Variants in ZDHHC15 observed in about 807,000 individuals in gnomAD.
ZDHHC15 encodes zDHHC palmitoyltransferase 15, also known as palmitoyltransferase ZDHHC15.
Under a neutral mutation model 31.7 loss-of-function variants are expected in ZDHHC15, and 19 were observed. The observed-to-expected ratio is 0.60, with a 90% CI of 0.42 to 0.88. The LOEUF is 0.88. ZDHHC15 is among the 40% of genes least tolerant of loss of function. ZDHHC15 has a pLI of 0.00. For missense variants in ZDHHC15, 209 were observed against 251.2 expected (o/e 0.83, Z 1.14); for synonymous variants, 103 against 90.0 (o/e 1.14, Z -0.82).
chrX:75,457,969 A>G (rs765129226), intron 3 of ZDHHC15, among the ~76,000 whole-genome samples: 15 of 111,306 alleles, frequency 1.3e-4, no homozygotes, highest in African/African-American at 4.9e-4. Context: ...GGAGGTCCTG[A>G]AATCAATCCC....
intron 10 of ZDHHC15, among the ~76,000 whole-genome samples, chrX:75,379,597 TA>T (rs2083094186): frequency 8.9e-6 from 1 of 111,849 alleles, no homozygotes. Context: ...GGTGTGTTTC[TA>T]AAAAAGGAAT....
chrX:75,510,454 G>T (rs1038837998), intron 1 of ZDHHC15, among the ~76,000 whole-genome samples: 42 of 90,299 alleles, frequency 4.7e-4, no homozygotes, highest in Admixed American at 6.3e-4. Context: ...TAGAAACTTG[G>T]TTTCTAGAAA....
At chrX:75,376,165 G>A (rs2083057227) in intron 11 of ZDHHC15, among the ~76,000 whole-genome samples, 1 of 110,152 alleles carries the variant, frequency 9.1e-6, no homozygotes, top group African/African-American at 3.3e-5. Context: ...TAGTGATGAT[G>A]AGCATTTTTT....
At chrX:75,412,176 G>A (rs1306482458) in intron 10 of ZDHHC15, among the ~76,000 whole-genome samples, 4 of 111,742 alleles carry the variant, frequency 3.6e-5, no homozygotes, top group Non-Finnish European at 5.6e-5. Flanking sequence ...TTGTTGAGGG[G>A]ATTTGAATTG....
intron 10 of ZDHHC15, among the ~76,000 whole-genome samples, chrX:75,382,742 G>T (rs2083128698): frequency 8.9e-6 from 1 of 112,305 alleles, no homozygotes. Flanking sequence ...GAGCCATTTG[G>T]TGAAAGATAT....
chrX:75,513,138 C>T (rs1244396909), intron 1 of ZDHHC15, among the ~76,000 whole-genome samples: 3 of 110,320 alleles, frequency 2.7e-5, no homozygotes, highest in Non-Finnish European at 5.7e-5. Context: ...AAAATCAATT[C>T]AAGATGGATT....
At chrX:75,482,530 T>C (rs2084707293) in intron 2 of ZDHHC15, among the ~76,000 whole-genome samples, 1 of 111,756 alleles carries the variant, frequency 8.9e-6, no homozygotes, top group Non-Finnish European at 1.9e-5. Context: ...ATTAGGCATC[T>C]ACTACTCATC....
At chrX:75,449,281 A>T (rs1449676491) in intron 4 of ZDHHC15, among the ~76,000 whole-genome samples, 1 of 106,515 alleles carries the variant, frequency 9.4e-6, no homozygotes, top group African/African-American at 3.4e-5. Context: ...TTATCTGGAG[A>T]ACGCTGACTA....
intron 3 of ZDHHC15, among the ~76,000 whole-genome samples, chrX:75,467,783 A>G (rs1293050213): frequency 8.9e-6 from 1 of 111,759 alleles, no homozygotes; most frequent in Non-Finnish European, 1.9e-5. Flanking sequence ...TAAAGTGTCC[A>G]TTTTATAGTG....
intron 1 of ZDHHC15, among the ~76,000 whole-genome samples, chrX:75,508,689 T>C (rs988440360): frequency 9.0e-6 from 1 of 110,719 alleles, no homozygotes; most frequent in Non-Finnish European, 1.9e-5. Flanking sequence ...GGTCAAATGG[T>C]ATTTCTAGTT....
At chrX:75,377,506 T>A (rs10126091) in intron 11 of ZDHHC15, among the ~76,000 whole-genome samples, 43 of 108,084 alleles carry the variant, frequency 4.0e-4, no homozygotes, top group South Asian at 1.6e-3. Flanking sequence ...AAAAAAAAAA[T>A]ATATATATAT....
intron 11 of ZDHHC15, among the ~76,000 whole-genome samples, chrX:75,373,926 GTTTTTTTTT>G (rs35704680): frequency 2.0e-5 from 1 of 50,456 alleles, no homozygotes; most frequent in Admixed American, 3.4e-4. Context: ...CATTCTTTCT[GTTTTTTTTT>G]TTTTTTTTTT....
At chrX:75,375,641 A>C (rs767361520) in intron 11 of ZDHHC15, among the ~76,000 whole-genome samples, 41 of 111,687 alleles carry the variant, frequency 3.7e-4, no homozygotes, top group Admixed American at 5.7e-4. Context: ...GCTCCCATTT[A>C]TGAATGAGAA....
At chrX:75,404,813 C>T (rs1428807359) in intron 10 of ZDHHC15, among the ~76,000 whole-genome samples, 1 of 111,559 alleles carries the variant, frequency 9.0e-6, no homozygotes, top group Admixed American at 9.5e-5. Flanking sequence ...GTGGAAAGCA[C>T]TATAGCAATT....
chrX:75,382,424 T>C (rs1382437392), intron 10 of ZDHHC15, among the ~76,000 whole-genome samples: 1 of 111,889 alleles, frequency 8.9e-6, no homozygotes, highest in East Asian at 2.8e-4. Flanking sequence ...GGGGGAAAAG[T>C]TACTTGGAAA....
intron 10 of ZDHHC15, among the ~76,000 whole-genome samples, chrX:75,383,578 A>C (rs930653003): frequency 2.7e-5 from 3 of 110,583 alleles, no homozygotes; most frequent in Non-Finnish European, 5.7e-5. Context: ...TGACCAAATC[A>C]ACTCACGGGA....
intron 2 of ZDHHC15, among the ~76,000 whole-genome samples, chrX:75,479,400 G>A (rs1023995054): frequency 1.8e-5 from 2 of 111,924 alleles, no homozygotes; most frequent in African/African-American, 6.5e-5. Flanking sequence ...TGTAAGATAG[G>A]TAATAAGATA....
chrX:75,384,942 C>T, intron 10 of ZDHHC15: 1 of 436,016 alleles, frequency 2.3e-6, no homozygotes, highest in Non-Finnish European at 4.0e-6. Flanking sequence ...CGCCAATATG[C>T]ATGGAAATAC....
intron 8 of ZDHHC15, among the ~76,000 whole-genome samples, chrX:75,423,303 T>G (rs1314185962): frequency 9.2e-6 from 1 of 108,491 alleles, no homozygotes; most frequent in African/African-American, 3.4e-5. Flanking sequence ...GTACTAAGCA[T>G]AGTACCCGAG....
Sources: allele counts gnomAD v4.1 joint callset (sites outside exome capture counted in the v4.1 genomes callset), GRCh38; gene constraint gnomAD v4.1.1; transcripts MANE v1.5; gene names NCBI Gene and HGNC (gene_info 2026-07-23, HGNC 2026-07-21).